Variants in FGGY observed in about 807,000 individuals in gnomAD.
The protein encoded by FGGY is FGGY carbohydrate kinase domain-containing protein.
A neutral mutation model predicts 71.3 loss-of-function variants in FGGY; 72 were observed. The ratio of observed to expected loss-of-function variants is 1.01; its 90% CI spans 0.84 to 1.23. FGGY has a LOEUF of 1.23. FGGY is among the 50% of genes most tolerant of loss of function. The pLI is 0.00. For synonymous variants in FGGY, 251 were observed against 250.3 expected, an observed-to-expected ratio of 1.00 and a Z score of -0.02; for missense variants, 668 against 682.3, an observed-to-expected ratio of 0.98 and a Z score of 0.23.
intron 14 of FGGY, among the ~76,000 whole-genome samples, chr1:59,736,802 C>T (rs1367562625): frequency 6.6e-6 from 1 of 152,218 alleles, no homozygotes; most frequent in Non-Finnish European, 1.5e-5. Context: ...GAAGTCAAGC[C>T]AGCTGCAGAA....
At chr1:59,687,010 T>C (rs1287543031) in intron 14 of FGGY, among the ~76,000 whole-genome samples, 1 of 152,254 alleles carries the variant, frequency 6.6e-6, no homozygotes, top group African/African-American at 2.4e-5. Flanking sequence ...AGTCACATGC[T>C]GTATTAATGC....
chr1:59,384,433 A>C (rs955629365), intron 5 of FGGY, among the ~76,000 whole-genome samples: 2 of 152,134 alleles, frequency 1.3e-5, no homozygotes, highest in African/African-American at 4.8e-5. Flanking sequence ...TTGCATATCA[A>C]GGTGAAACAA....
Position 59,613,371 on chromosome 1 carries a change from A to T in FGGY, c.1011+5461A>T, listed in dbSNP as rs548634895. Among the ~76,000 whole-genome samples the T allele has an allele frequency of 2.0e-5, 3 of 152,346 alleles. No individual in the cohort carries two copies. The South Asian group carries it at 6.2e-4, about 32-fold the overall frequency. ...CTCAAAACCACTCAACTACATGGAA[A>T]CTGAACAACCTGCTCCTGAATGACT... On this transcript the variant is annotated intron_variant, in intron 9 of 15. Transcript: ENST00000303721.
intron 14 of FGGY, among the ~76,000 whole-genome samples, chr1:59,675,309 A>G (rs1196077709): frequency 6.6e-6 from 1 of 152,186 alleles, no homozygotes; most frequent in Non-Finnish European, 1.5e-5. Flanking sequence ...ACACTATGCT[A>G]GGTGCTTTTT....
chr1:59,712,027 G>C (rs890171309), intron 14 of FGGY, among the ~76,000 whole-genome samples: 3 of 152,134 alleles, frequency 2.0e-5, no homozygotes, highest in Non-Finnish European at 4.4e-5. Flanking sequence ...AGTCCCTTCT[G>C]CCTATGAGCA....
chr1:59,712,694 T>C (rs895225651), intron 14 of FGGY, among the ~76,000 whole-genome samples: 3 of 151,406 alleles, frequency 2.0e-5, no homozygotes, highest in Non-Finnish European at 4.4e-5. Flanking sequence ...GGCCAAGCTA[T>C]AGGGACGCAG....
intron 9 of FGGY, among the ~76,000 whole-genome samples, chr1:59,608,833 G>A (rs576248834): frequency 5.9e-5 from 9 of 151,978 alleles, no homozygotes; most frequent in Non-Finnish European, 7.4e-5. Flanking sequence ...GCGAAACTCC[G>A]TCTTAAAAAA....
At chr1:59,506,487 G>T (rs2153619074) in intron 6 of FGGY, among the ~76,000 whole-genome samples, 1 of 152,246 alleles carries the variant, frequency 6.6e-6, no homozygotes, top group South Asian at 2.1e-4. Context: ...ATTTAAGGGG[G>T]AAAAACATCT....
chr1:59,434,506 A>G (rs1284094861), intron 5 of FGGY, among the ~76,000 whole-genome samples: 2 of 152,252 alleles, frequency 1.3e-5, no homozygotes, highest in Non-Finnish European at 2.9e-5. Flanking sequence ...CAAGGGAACT[A>G]GAGAGGGCAT....
At chr1:59,678,501 CAGTTA>C (rs1448439942) in intron 14 of FGGY, among the ~76,000 whole-genome samples, 1 of 152,128 alleles carries the variant, frequency 6.6e-6, no homozygotes, top group African/African-American at 2.4e-5. Flanking sequence ...TAAGCACAGA[CAGTTA>C]AAAGATTCTA....
intron 6 of FGGY, among the ~76,000 whole-genome samples, chr1:59,473,638 G>C (rs2093107474): frequency 6.6e-6 from 1 of 152,230 alleles, no homozygotes; most frequent in Non-Finnish European, 1.5e-5. Context: ...GTGGAGAGGA[G>C]TAGTTGTGGG....
At chr1:59,382,928 A>G (rs1031647573) in intron 5 of FGGY, among the ~76,000 whole-genome samples, 7 of 152,128 alleles carry the variant, frequency 4.6e-5, no homozygotes, top group African/African-American at 1.2e-4. Context: ...TTCAGGCACC[A>G]AGGAGAGGGC....
intron 8 of FGGY, among the ~76,000 whole-genome samples, chr1:59,579,067 C>T (rs956475137): frequency 6.6e-6 from 1 of 152,128 alleles, no homozygotes; most frequent in Admixed American, 6.5e-5. Flanking sequence ...ATGAAAATAA[C>T]CCTTGACCAT....
At chr1:59,621,459 CAAAAAA>C (rs56172542) in intron 9 of FGGY, among the ~76,000 whole-genome samples, 2 of 98,802 alleles carry the variant, frequency 2.0e-5, no homozygotes, top group Non-Finnish European at 1.9e-5. Context: ...GCCTCCGTCT[CAAAAAA>C]AAAAAAAAAA....
chr1:59,352,023 T>G (rs1570829046), intron 4 of FGGY, among the ~76,000 whole-genome samples: 1 of 152,216 alleles, frequency 6.6e-6, no homozygotes, highest in East Asian at 1.9e-4. Context: ...TGTTTCAGGT[T>G]GACATTTGTC....
At chr1:59,418,188 AG>A (rs1405138901) in intron 5 of FGGY, among the ~76,000 whole-genome samples, 10 of 152,178 alleles carry the variant, frequency 6.6e-5, no homozygotes, top group Non-Finnish European at 1.5e-4. Context: ...GAACTGGGGC[AG>A]GGGTTGAGTG....
At chr1:59,373,896 A>G (rs1056424880) in intron 4 of FGGY, among the ~76,000 whole-genome samples, 1 of 152,250 alleles carries the variant, frequency 6.6e-6, no homozygotes, top group African/African-American at 2.4e-5. Context: ...CCTATACAAA[A>G]ATTAATTCAA....
chr1:59,403,614 G>C (rs2062286942), intron 5 of FGGY, among the ~76,000 whole-genome samples: 1 of 152,202 alleles, frequency 6.6e-6, no homozygotes, highest in Non-Finnish European at 1.5e-5. Flanking sequence ...CTGGCAAAAG[G>C]ACAGCATATG....
intron 6 of FGGY, among the ~76,000 whole-genome samples, chr1:59,499,942 C>T (rs994810580): frequency 6.6e-6 from 1 of 151,934 alleles, no homozygotes; most frequent in African/African-American, 2.4e-5. Context: ...TAAATATATA[C>T]ATATATATGT....
Sources: gnomAD v4.1 joint callset for allele counts (sites outside exome capture counted in the v4.1 genomes callset) on GRCh38, gnomAD v4.1.1 for gene constraint, MANE v1.5 for transcripts, NCBI Gene and HGNC (gene_info 2026-07-23, HGNC 2026-07-21) for gene names.